DLG2: variants seen among roughly 807,000 people sequenced by gnomAD.
The protein encoded by DLG2 is disks large homolog 2.
A neutral mutation model predicts 132.5 loss-of-function variants in DLG2; 45 were observed. The ratio of observed to expected loss-of-function variants is 0.34; its 90% CI spans 0.27 to 0.44. The LOEUF (loss-of-function observed/expected upper bound fraction) is 0.44. DLG2 is among the 20% of genes least tolerant of loss of function. DLG2 has a pLI of 1.00. For missense variants in DLG2, 1,045 were observed against 1,196.9 expected (o/e 0.87, Z 1.87); for synonymous variants, 424 against 419.6 (o/e 1.01, Z -0.13).
chr11:85,053,332 T>C lies in DLG2; in HGVS notation c.357+58329A>G, dbSNP rs547352805. Among the ~76,000 whole-genome samples the C allele has an allele frequency of 3.3e-5, 5 of 152,262 alleles. No individual in the cohort carries two copies. In the South Asian group the frequency reaches 1.0e-3, roughly 32 times the overall value. On this transcript the variant is annotated intron_variant, in intron 6 of 27. Coordinates refer to ENST00000376104, the MANE Select transcript of DLG2 (RefSeq NM_001142699.3). ...GGTCTGCCAACTTGGGAAACCATGT[T>C]ACCTCTCTGAGACTAATTTGTGTCA...
intron 6 of DLG2, among the ~76,000 whole-genome samples, chr11:84,944,942 GTTCTT>G (rs2050009500): frequency 6.6e-6 from 1 of 152,128 alleles, no homozygotes; most frequent in Non-Finnish European, 1.5e-5. Flanking sequence ...TTCCTTTTGT[GTTCTT>G]TTGAGTTTCA....
chr11:83,979,544 C>T lies in DLG2; in HGVS notation c.1056+962G>A, dbSNP rs375992815. 1.1e-4 allele frequency among the ~76,000 whole-genome samples: 17 copies of T among 152,294 alleles called. No individual in the cohort carries two copies. In the South Asian group the frequency reaches 1.2e-3, roughly 11 times the overall value. On this transcript the variant is annotated intron_variant, in intron 12 of 27. Coordinates refer to ENST00000376104, the MANE Select transcript of DLG2 (RefSeq NM_001142699.3). The stretch of plus-strand genomic sequence containing the variant: ...TCCCAAATGCTTTGTTGCTTATAAT[C>T]GCCTTAATTTTGCTTTAGGTTATCA...
At chr11:84,280,166 C>A (rs2097838784) in intron 7 of DLG2, among the ~76,000 whole-genome samples, 1 of 152,138 alleles carries the variant, frequency 6.6e-6, no homozygotes, top group Non-Finnish European at 1.5e-5. Context: ...GCAAATTTAA[C>A]AAGGTTGTAG....
chr11:84,843,327 T>C (rs1289316472), intron 6 of DLG2, among the ~76,000 whole-genome samples: 1 of 151,660 alleles, frequency 6.6e-6, no homozygotes, highest in Admixed American at 6.6e-5. Context: ...CGGTACTGGA[T>C]CTGTCTTAAA....
intron 6 of DLG2, among the ~76,000 whole-genome samples, chr11:84,840,001 A>C (rs2080395845): frequency 6.6e-6 from 1 of 152,200 alleles, no homozygotes; most frequent in Admixed American, 6.5e-5. Context: ...AGATCCAATT[A>C]AACTAGAGAG....
chr11:84,129,997 T>C (rs1226423532), intron 9 of DLG2, among the ~76,000 whole-genome samples: 1 of 152,040 alleles, frequency 6.6e-6, no homozygotes. Context: ...ACAAACACAA[T>C]ATTTAGTACT....
At chr11:85,257,374 G>A (rs1256997619) in intron 4 of DLG2, among the ~76,000 whole-genome samples, 1 of 152,166 alleles carries the variant, frequency 6.6e-6, no homozygotes, top group Non-Finnish European at 1.5e-5. Flanking sequence ...AAAAGTGTAT[G>A]AGAAAGAAAA....
At chr11:84,713,706 T>C (rs2060699963) in intron 6 of DLG2, among the ~76,000 whole-genome samples, 1 of 152,126 alleles carries the variant, frequency 6.6e-6, no homozygotes, top group African/African-American at 2.4e-5. Flanking sequence ...TATATAACTA[T>C]GATTAAAATA....
At chr11:83,878,578 A>AT (rs2065348062) in intron 15 of DLG2, among the ~76,000 whole-genome samples, 2 of 152,120 alleles carry the variant, frequency 1.3e-5, no homozygotes, top group African/African-American at 4.8e-5. Context: ...ACCACCCATT[A>AT]TTTTTACCAC....
chr11:85,169,955 A>T (rs1456322311), intron 4 of DLG2, among the ~76,000 whole-genome samples: 1 of 152,220 alleles, frequency 6.6e-6, no homozygotes, highest in Non-Finnish European at 1.5e-5. Context: ...AGGGAAAATA[A>T]AAACACATAC....
intron 7 of DLG2, among the ~76,000 whole-genome samples, chr11:84,294,284 G>T (rs1205502669): frequency 1.3e-5 from 2 of 151,940 alleles, no homozygotes; most frequent in African/African-American, 4.8e-5. Context: ...TAAAAATTAG[G>T]AAATTGAGCT....
intron 14 of DLG2, among the ~76,000 whole-genome samples, chr11:83,937,411 G>C (rs1386879857): frequency 6.6e-6 from 1 of 150,964 alleles, no homozygotes; most frequent in Non-Finnish European, 1.5e-5. Context: ...GGGAGGCTGA[G>C]GCAGGAGAAT....
At chr11:83,680,394 C>A (rs1385433034) in intron 18 of DLG2, among the ~76,000 whole-genome samples, 2 of 152,188 alleles carry the variant, frequency 1.3e-5, no homozygotes, top group Non-Finnish European at 2.9e-5. Flanking sequence ...TTTTAGGACC[C>A]TTCAGCTGTG....
chr11:85,490,315 G>GA (rs1334914013), intron 3 of DLG2, among the ~76,000 whole-genome samples: 1 of 151,636 alleles, frequency 6.6e-6, no homozygotes, highest in Non-Finnish European at 1.5e-5. Context: ...AGAAAATAGT[G>GA]AAAAAATAGT....
At chr11:85,333,407 A>G (rs2081910672) in intron 3 of DLG2, among the ~76,000 whole-genome samples, 1 of 152,028 alleles carries the variant, frequency 6.6e-6, no homozygotes, top group Admixed American at 6.5e-5. Flanking sequence ...TCAACTTCCT[A>G]TCTGAATGTC....
chr11:84,750,970 T>G (rs986669857), intron 6 of DLG2, among the ~76,000 whole-genome samples: 1 of 152,140 alleles, frequency 6.6e-6, no homozygotes, highest in Non-Finnish European at 1.5e-5. Context: ...CATTGAGGTA[T>G]CCTATTAAGT....
chr11:85,451,101 G>A (rs1453775685), intron 3 of DLG2, among the ~76,000 whole-genome samples: 1 of 151,884 alleles, frequency 6.6e-6, no homozygotes, highest in East Asian at 1.9e-4. Flanking sequence ...CCTGTACATC[G>A]CATAGGGATC....
chr11:84,903,982 C>T (rs1348656079), intron 6 of DLG2, among the ~76,000 whole-genome samples: 3 of 151,972 alleles, frequency 2.0e-5, no homozygotes, highest in African/African-American at 7.2e-5. Context: ...TGGAGAAATA[C>T]AAATGACTAT....
intron 6 of DLG2, among the ~76,000 whole-genome samples, chr11:84,941,469 A>G (rs1311589975): frequency 6.6e-6 from 1 of 152,102 alleles, no homozygotes; most frequent in Non-Finnish European, 1.5e-5. Context: ...TTTTTTCAGC[A>G]TCAATTAAAA....
Sources: allele counts gnomAD v4.1 joint callset (sites outside exome capture counted in the v4.1 genomes callset), GRCh38; gene constraint gnomAD v4.1.1; transcripts MANE v1.5; gene names NCBI Gene and HGNC (gene_info 2026-07-23, HGNC 2026-07-21).